The following DDX42 variants were observed in gnomAD, a reference collection of about 807,000 sequenced individuals.
DDX42 encodes the protein ATP-dependent RNA helicase DDX42.
Under a neutral mutation model 101.5 loss-of-function variants are expected in DDX42, and 22 were observed. The observed-to-expected ratio is 0.22, with a 90% CI of 0.15 to 0.31. DDX42 has a LOEUF of 0.31. DDX42 is among the 10% of genes least tolerant of loss of function. DDX42 has a pLI of 1.00. For missense variants in DDX42, 849 were observed against 1,199.9 expected (o/e 0.71, Z 4.32); for synonymous variants, 402 against 401.2 (o/e 1.00, Z -0.02).
At chr17:63,804,787 T>C (rs1414444096) in intron 6 of DDX42, among the ~76,000 whole-genome samples, 1 of 152,132 alleles carries the variant, frequency 6.6e-6, no homozygotes, top group East Asian at 1.9e-4. Context: ...AGGTGGAGGC[T>C]GCAGTGAGCC....
In DDX42 at chr17:63,808,859, C is replaced by T. The variant is rs936247179; in HGVS notation, c.1063C>T (p.Leu355Phe). ...TAAGCGGTTTGGAAAAGCATATAAT[C>T]TTCGATCAGTGGCCGTATATGGAGG... is the stretch of plus-strand genomic sequence containing the variant. ...ECKRFGKAYN[L>F]RSVAVYGGGS... Residue 355 changes from leucine to phenylalanine, a missense_variant, in exon 10 of 18, where the codon CTT becomes TTT. Physicochemically the swap from Leu to Phe is conservative, Grantham distance 22 (BLOSUM62 0). Around this residue, in one of 5 missense-constraint regions of DDX42, gnomAD observed 370 missense variants for 608.8 expected, o/e 0.61. Coordinates refer to ENST00000389924, the MANE Select transcript of DDX42 (RefSeq NM_203499.3). The T allele has an allele frequency of 6.2e-7, 1 of 1,613,916 alleles. No individual in the cohort carries two copies. The highest frequency in any genetic ancestry group is 1.3e-5 in the African/African-American group (1 of 74,908).
chr17:63,800,876 ATTTC>A (rs2039754594), intron 6 of DDX42, among the ~76,000 whole-genome samples: 1 of 151,556 alleles, frequency 6.6e-6, no homozygotes, highest in African/African-American at 2.4e-5. Context: ...CAGAACCAAT[ATTTC>A]TTTCTTTTCT....
At chr17:63,775,581 A>G (rs1169790266) in intron 1 of DDX42, among the ~76,000 whole-genome samples, 2 of 152,208 alleles carry the variant, frequency 1.3e-5, no homozygotes. Flanking sequence ...GTGAGAGCCT[A>G]CGTTTATCTG....
chr17:63,806,365 AT>A, intron 7 of DDX42, 169 bp from the exon 8 acceptor site: 1 of 507,666 alleles, frequency 2.0e-6, no homozygotes, highest in Non-Finnish European at 3.2e-6. Context: ...TGAGGTTTAT[AT>A]TTGTTACCAT....
chr17:63,782,950 T>A (rs2039505898), intron 1 of DDX42, among the ~76,000 whole-genome samples: 1 of 152,152 alleles, frequency 6.6e-6, no homozygotes, highest in South Asian at 2.1e-4. Context: ...CCAAATGTGC[T>A]ACTGAACTCT....
chr17:63,798,196 G>A (rs758565121), intron 4 of DDX42, 97 bp downstream of exon 4: 47 of 1,011,802 alleles, frequency 4.6e-5, no homozygotes, highest in East Asian at 7.4e-5. Flanking sequence ...AAATATTGAC[G>A]TACACTTGTG....
intron 3 of DDX42, among the ~76,000 whole-genome samples, chr17:63,795,636 T>G (rs1399696939): frequency 2.6e-5 from 4 of 152,240 alleles, no homozygotes; most frequent in African/African-American, 9.6e-5. Flanking sequence ...AGCCTCTGTA[T>G]TGTAATTTTT....
At position 63,818,536 on chromosome 17, in the gene DDX42, T is replaced by C. The variant is rs2040008835; in HGVS notation, c.*138T>C. The C allele has an allele frequency of 4.0e-6, 3 of 744,672 alleles. No homozygotes were observed. Among genetic ancestry groups the C allele is most frequent in the African/African-American group, 1.8e-5 (1 of 56,454 alleles). The allele number at this position is 744,672 out of a possible 1,614,324, so 46.1% of individuals were successfully genotyped here. A position where few individuals can be genotyped will look rare whatever the true frequency, so the allele number is the denominator to read the frequency against. ...GTGGAGAGCTGGAGCTTGGAGACAT[T>C]ACCCCTTCATCAGAAGGAATTTTCG... On this transcript the variant is annotated 3_prime_UTR_variant, in exon 18 of 18. Transcript: ENST00000389924.
chr17:63,813,023 C>G (rs1401169382), intron 14 of DDX42, among the ~76,000 whole-genome samples: 1 of 152,120 alleles, frequency 6.6e-6, no homozygotes, highest in Non-Finnish European at 1.5e-5. Context: ...GACTCCGTCT[C>G]TAAAAAATAA....
chr17:63,790,174 C>G (rs944176922), intron 2 of DDX42, among the ~76,000 whole-genome samples: 1 of 152,056 alleles, frequency 6.6e-6, no homozygotes, highest in Non-Finnish European at 1.5e-5. Flanking sequence ...AACTAAAAAC[C>G]TACTATATGA....
In DDX42 at chr17:63,816,909, C is replaced by T. The variant is rs1342652153; in HGVS notation, c.2055C>T (p.Tyr685=). The T allele has an allele frequency of 6.2e-7, 1 of 1,613,934 alleles. No individual in the cohort carries two copies. The change falls in exon 17 of 18, where the codon TAC becomes TAT. Residue 685 remains tyrosine, a synonymous_variant. Coordinates refer to ENST00000389924, the MANE Select transcript of DDX42 (RefSeq NM_203499.3). ...ATGTAATGAGCAATTATGAGGCCTA[C>T]AAGCCTTCCACAGGAGCTATGGGAG... ...NNNVMSNYEA[Y]KPSTGAMGDR... is the part of the protein sequence containing the mutation.
rs779734701 is a variant in DDX42 at position 63,816,964 on chromosome 17, C to G, written c.2110C>G (p.Gln704Glu). The change falls in exon 17 of 18, where the codon CAG becomes GAG. Residue 704 changes from glutamine to glutamate, a missense_variant and splice_region_variant. This residue lies in a region of DDX42 where 86 missense variants were observed against 160.8 expected (regional missense o/e 0.53). Transcript: ENST00000389924. ...ACTAACGGCAATGAAAGCAGCTTTCCAGGTCTGAAATAAGCATTTCATTAA... is the reference window on the plus strand; with the variant it reads ...ACTAACGGCAATGAAAGCAGCTTTCGAGGTCTGAAATAAGCATTTCATTAA... ...DRLTAMKAAF[Q>E]SQYKSHFVAA... The G allele has an allele frequency of 6.2e-7, 1 of 1,613,228 alleles. No homozygotes were observed.
intron 2 of DDX42, among the ~76,000 whole-genome samples, chr17:63,791,529 T>C (rs1240168518): frequency 2.0e-5 from 3 of 152,060 alleles, no homozygotes; most frequent in Admixed American, 6.5e-5. Flanking sequence ...TGGGCTGGTC[T>C]CAAACTCTTG....
Position 63,806,584 on chromosome 17 carries a change from G to A in DDX42, c.776G>A (p.Gly259Glu). ...CCAGGAAGTAGCTTTGCTCATTTTG[G>A]GTTTGACGAACAACTTATGCACCAG... is the stretch of plus-strand genomic sequence containing the variant. ...PRPGSSFAHF[G>E]FDEQLMHQIR... is the part of the protein sequence containing the mutation. Residue 259 changes from glycine to glutamate, a missense_variant, in exon 8 of 18, where the codon GGG (glycine) becomes GAG (glutamate). Gly to Glu is a moderately conservative substitution (Grantham distance 98). Coordinates refer to ENST00000389924, the MANE Select transcript of DDX42 (RefSeq NM_203499.3). 3.7e-6 allele frequency: 6 copies of A among 1,613,080 alleles called. No homozygotes were observed. The highest frequency in any genetic ancestry group is 5.1e-6 in the Non-Finnish European group (6 of 1,179,640).
intron 1 of DDX42, among the ~76,000 whole-genome samples, chr17:63,781,447 G>T (rs1203994791): frequency 6.6e-6 from 1 of 151,982 alleles, no homozygotes; most frequent in Non-Finnish European, 1.5e-5. Flanking sequence ...TTGATCTCCT[G>T]ACCTTGTGAT....
At chr17:63,805,474 A>C (rs887870426) in intron 7 of DDX42, 2 of 246,284 alleles carry the variant, frequency 8.1e-6, no homozygotes, top group Non-Finnish European at 1.6e-5. Flanking sequence ...AAGAGGAAAC[A>C]AAAGGAATAG....
intron 1 of DDX42, among the ~76,000 whole-genome samples, chr17:63,782,857 T>G (rs2039504776): frequency 6.6e-6 from 1 of 152,220 alleles, no homozygotes. Context: ...AATACAGTTT[T>G]GTATGGTACG....
In DDX42 at chr17:63,819,072, G is replaced by A. The variant is rs1334507144; in HGVS notation, c.*674G>A. ...ATTGCTCCAGGTTTGAGATGGTATT[G>A]CTAAATTTAAAATTAAACAAGAAAC... is the stretch of plus-strand genomic sequence containing the variant. On this transcript the variant is annotated 3_prime_UTR_variant, in exon 18 of 18. Transcript: ENST00000389924. 1 of 152,388 alleles carries A rather than the reference G, an allele frequency of 6.6e-6. No homozygotes were observed. The highest frequency in any genetic ancestry group is 2.4e-5 in the African/African-American group (1 of 41,428). 9.4% of individuals were successfully genotyped at this position (152,388 alleles called of 1,614,324 possible). A position where few individuals can be genotyped will look rare whatever the true frequency, so the allele number is the denominator to read the frequency against.
intron 13 of DDX42, chr17:63,811,593 T>TA (rs758204836): frequency 4.7e-6 from 2 of 424,452 alleles, no homozygotes; most frequent in Non-Finnish European, 8.5e-6. Context: ...TTTCATTTCT[T>TA]ACCTGTACAT....
Sources: gnomAD v4.1 joint callset for allele counts (sites outside exome capture counted in the v4.1 genomes callset) on GRCh38, gnomAD v4.1.1 for gene constraint, gnomAD v4.1.1 regional missense constraint, MANE v1.5 for transcripts, NCBI Gene and HGNC (gene_info 2026-07-23, HGNC 2026-07-21) for gene names.